The following PLEKHA3 variants were observed in gnomAD, a reference collection of about 807,000 sequenced individuals.
PLEKHA3 encodes the protein pleckstrin homology domain containing A3, also known as pleckstrin homology domain-containing family A member 3.
PLEKHA3 carries 19 observed loss-of-function variants against 39.2 expected under a neutral mutation model. That is an observed-to-expected ratio of 0.48 (90% CI 0.34 to 0.71). The LOEUF is 0.71. Ranked by LOEUF, PLEKHA3 falls within the 30% of genes least tolerant of loss-of-function variation. The probability of loss-of-function intolerance (pLI) is 0.01; values close to 1 mark genes in which losing one functional copy is unlikely to be tolerated. For missense variants in PLEKHA3, 253 were observed against 359.5 expected, an observed-to-expected ratio of 0.70 and a Z score of 2.40; for synonymous variants, 97 against 118.6, an observed-to-expected ratio of 0.82 and a Z score of 1.18.
rs1258366965 is a variant in PLEKHA3, at chr2:178,510,122, G to C, written c.*6235G>C. ...ACTCCTGACCTCAGGTCATCTACCT[G>C]CCTTGGCCTCCCAAAGTGTCGGGAT... is the stretch of plus-strand genomic sequence containing the variant. On this transcript the variant is annotated 3_prime_UTR_variant, in exon 8 of 8. Transcript: ENST00000234453. 1 of 152,164 alleles carries C rather than the reference G, an allele frequency of 6.6e-6. No individual in the cohort carries two copies. Among genetic ancestry groups the C allele is most frequent in the Admixed American group, 6.5e-5 (1 of 15,276 alleles). The allele number at this position is 152,164 out of a possible 1,614,324, so 9.4% of individuals were successfully genotyped here. A position where few individuals can be genotyped will look rare whatever the true frequency, so the allele number is the denominator to read the frequency against.
chr2:178,502,051 A>G (rs1014612318), intron 7 of PLEKHA3, among the ~76,000 whole-genome samples: 9 of 151,984 alleles, frequency 5.9e-5, no homozygotes, highest in African/African-American at 1.9e-4. Context: ...CAGTGAATTC[A>G]TAGTATGGCT....
At chr2:178,485,825 A>G in intron 2 of PLEKHA3, 68 bp downstream of exon 2, 1 of 1,206,114 alleles carries the variant, frequency 8.3e-7, no homozygotes, top group South Asian at 1.2e-5. Context: ...CATACTCCAG[A>G]CGAGGAAAAA....
At chr2:178,501,210 A>G (rs1467761961) in intron 7 of PLEKHA3, 34 bp downstream of exon 7, 2 of 1,512,410 alleles carry the variant, frequency 1.3e-6, no homozygotes, top group Non-Finnish European at 1.8e-6. Flanking sequence ...TTTCTTTGGC[A>G]TATTCAGCAA....
intron 3 of PLEKHA3, among the ~76,000 whole-genome samples, chr2:178,493,559 CT>C (rs1685392117): frequency 6.6e-6 from 1 of 152,104 alleles, no homozygotes; most frequent in Admixed American, 6.5e-5. Context: ...AAACCAAGCA[CT>C]TTTTAAATGG....
chr2:178,502,408 C>T, intron 7 of PLEKHA3: 1 of 417,548 alleles, frequency 2.4e-6, no homozygotes, highest in Non-Finnish European at 4.8e-6. Context: ...GCCAATCAAG[C>T]AAGACCTGGA....
At position 178,509,563 on chromosome 2, in the gene PLEKHA3, G is replaced by C. The variant is rs1284968797; in HGVS notation, c.*5676G>C. On this transcript the variant is annotated 3_prime_UTR_variant, in exon 8 of 8. Coordinates refer to ENST00000234453, the MANE Select transcript of PLEKHA3 (RefSeq NM_019091.4). Reference sequence around the variant, plus strand: ...AGTGATCTCAGCTCACTGCAGTCTCGACCTCCCAGGCTCAAATGATCCTTT... The same window carrying C: ...AGTGATCTCAGCTCACTGCAGTCTCCACCTCCCAGGCTCAAATGATCCTTT... 1 of 148,784 alleles carries C rather than the reference G, an allele frequency of 6.7e-6. No individual in the cohort carries two copies. Among genetic ancestry groups the C allele is most frequent in the Non-Finnish European group, 1.5e-5 (1 of 67,658 alleles). 9.2% of individuals were successfully genotyped at this position (148,784 alleles called of 1,614,324 possible).
In PLEKHA3 at chr2:178,506,116, C is replaced by G. The variant is rs1685597868; in HGVS notation, c.*2229C>G. On this transcript the variant is annotated 3_prime_UTR_variant, in exon 8 of 8. Coordinates refer to ENST00000234453, the MANE Select transcript of PLEKHA3 (RefSeq NM_019091.4). ...GAAAAAGATGAACCATATAACAATT[C>G]TGTAAGAATTTTAGCTTGTCAAGTT... is the stretch of plus-strand genomic sequence containing the variant. 6.6e-6 allele frequency: 1 copy of G among 152,028 alleles called. No homozygotes were observed. Among genetic ancestry groups the G allele is most frequent in the South Asian group, 2.1e-4 (1 of 4,830 alleles). The allele number at this position is 152,028 out of a possible 1,614,324, so 9.4% of individuals were successfully genotyped here. A position where few individuals can be genotyped will look rare whatever the true frequency, so the allele number is the denominator to read the frequency against.
At chr2:178,501,020 T>C in intron 6 of PLEKHA3, 41 bp from the exon 7 acceptor site, 1 of 1,293,694 alleles carries the variant, frequency 7.7e-7, no homozygotes, top group Non-Finnish European at 1.1e-6. Context: ...TTTTTGTTTA[T>C]GTAAGGCCTT....
At position 178,515,959 on chromosome 2, in the gene PLEKHA3, A is replaced by T. The variant is rs1685757524; in HGVS notation, c.*12072A>T. The T allele has an allele frequency of 6.6e-6, 1 of 151,972 alleles. No individual in the cohort carries two copies. Among genetic ancestry groups the T allele is most frequent in the Non-Finnish European group, 1.5e-5 (1 of 67,942 alleles). 9.4% of individuals were successfully genotyped at this position (151,972 alleles called of 1,614,324 possible). A position where few individuals can be genotyped will look rare whatever the true frequency, so the allele number is the denominator to read the frequency against. On this transcript the variant is annotated 3_prime_UTR_variant, in exon 8 of 8. Transcript: ENST00000234453. ...AATAGTCTTTTCTTTGCGTGTTTAA[A>T]TATTGTTAGAAACATAAGCACATGA...
chr2:178,491,983 A>T (rs1575144038), intron 3 of PLEKHA3, among the ~76,000 whole-genome samples: 1 of 152,172 alleles, frequency 6.6e-6, no homozygotes, highest in Non-Finnish European at 1.5e-5. Context: ...TCCTTTGACG[A>T]CCTAATCACT....
chr2:178,483,340 TA>T (rs74815655), intron 1 of PLEKHA3, among the ~76,000 whole-genome samples: 12,093 of 143,290 alleles, frequency 0.084, 576 homozygotes, highest in Non-Finnish European at 0.11. Context: ...TAAAAAGAAT[TA>T]AAAAAAAAAA....
intron 7 of PLEKHA3, chr2:178,502,356 G>A: frequency 2.3e-6 from 1 of 430,908 alleles, no homozygotes. Flanking sequence ...AGAAATGAAG[G>A]AAAGAAACCG....
At chr2:178,492,902 G>A (rs1363137821) in intron 3 of PLEKHA3, among the ~76,000 whole-genome samples, 1 of 152,152 alleles carries the variant, frequency 6.6e-6, no homozygotes, top group African/African-American at 2.4e-5. Context: ...GGTTAAAATA[G>A]TAAATTTTAT....
chr2:178,493,172 A>G (rs1230104176), intron 3 of PLEKHA3, among the ~76,000 whole-genome samples: 1 of 152,170 alleles, frequency 6.6e-6, no homozygotes, highest in Non-Finnish European at 1.5e-5. Flanking sequence ...TTGGCTTGTG[A>G]GTGGCTGAGA....
At chr2:178,488,866 T>C in intron 2 of PLEKHA3, 1 of 343,570 alleles carries the variant, frequency 2.9e-6, no homozygotes, top group Non-Finnish European at 5.9e-6. Context: ...TAATTAGATA[T>C]TTAATTTCTC....
intron 2 of PLEKHA3, among the ~76,000 whole-genome samples, chr2:178,488,797 C>A (rs1474796123): frequency 6.6e-6 from 1 of 152,200 alleles, no homozygotes; most frequent in Non-Finnish European, 1.5e-5. Context: ...ATCTACAGAT[C>A]AATTTGAGGA....
At position 178,516,075 on chromosome 2, in the gene PLEKHA3, TATAC is replaced by T. The variant is rs770961523; in HGVS notation, c.*12196_*12199del. On this transcript the variant is annotated 3_prime_UTR_variant, in exon 8 of 8. Transcript: ENST00000234453. ...GTGTATATACACATACATATATATATATACATACATATATATACATAAAATGATT... is the reference window on the plus strand; with the variant it reads ...GTGTATATACACATACATATATATATATACATATATATACATAAAATGATT... The T allele has an allele frequency of 3.3e-5, 5 of 151,216 alleles. No homozygotes were observed. The highest frequency in any genetic ancestry group is 2.1e-4 in the South Asian group (1 of 4,814). The allele number at this position is 151,216 out of a possible 1,614,324, so 9.4% of individuals were successfully genotyped here. A position where few individuals can be genotyped will look rare whatever the true frequency, so the allele number is the denominator to read the frequency against.
In PLEKHA3 at chr2:178,480,847, T is replaced by G; in HGVS notation, c.-23T>G. On this transcript the variant is annotated 5_prime_UTR_variant, in exon 1 of 8. An upstream start codon of the reference 5' UTR is lost. Coordinates refer to ENST00000234453, the MANE Select transcript of PLEKHA3 (RefSeq NM_019091.4). Reference sequence around the variant, plus strand: ...CGCGGCCGGCGCCGGGCCGGGAGGATGCGCGGTGTGGGGCTCTGAAGCATG... The same window carrying G: ...CGCGGCCGGCGCCGGGCCGGGAGGAGGCGCGGTGTGGGGCTCTGAAGCATG... 7.6e-7 allele frequency: 1 copy of G among 1,317,050 alleles called. No homozygotes were observed. The allele number at this position is 1,317,050 out of a possible 1,614,324, so 81.6% of individuals were successfully genotyped here. A position where few individuals can be genotyped will look rare whatever the true frequency, so the allele number is the denominator to read the frequency against.
At chr2:178,481,017 A>G in intron 1 of PLEKHA3, 108 bp downstream of exon 1, 1 of 1,044,188 alleles carries the variant, frequency 9.6e-7, no homozygotes, top group Non-Finnish European at 1.3e-6. Context: ...CTCAGAGCGA[A>G]TTCGCTCTAC....
Sources: gnomAD v4.1 joint callset for allele counts (sites outside exome capture counted in the v4.1 genomes callset) on GRCh38, gnomAD v4.1.1 for gene constraint, MANE v1.5 for transcripts, NCBI Gene and HGNC (gene_info 2026-07-23, HGNC 2026-07-21) for gene names.